HSD17B12: variants seen among roughly 807,000 people sequenced by gnomAD.
HSD17B12 encodes the protein very-long-chain 3-oxoacyl-CoA reductase.
A neutral mutation model predicts 39.3 loss-of-function variants in HSD17B12; 32 were observed. The ratio of observed to expected loss-of-function variants is 0.81; its 90% CI spans 0.61 to 1.09. HSD17B12 has a LOEUF of 1.09. Ranked by LOEUF, HSD17B12 falls within the 50% of genes least tolerant of loss-of-function variation. The probability of loss-of-function intolerance (pLI) is 0.00; values close to 1 mark genes in which losing one functional copy is unlikely to be tolerated. For missense variants in HSD17B12, 342 were observed against 382.9 expected (o/e 0.89, Z 0.89); for synonymous variants, 150 against 146.7 (o/e 1.02, Z -0.16).
At chr11:43,595,077 A>T in the HSD17B12 span, among the ~76,000 whole-genome samples, 1 of 152,192 alleles carries the variant, frequency 6.6e-6, no homozygotes, top group Non-Finnish European at 1.5e-5. Flanking sequence ...AATATTAACT[A>T]TAAATAAAGG....
chr11:43,718,001 C>T (rs374515770), intron 1 of HSD17B12, among the ~76,000 whole-genome samples: 5 of 151,938 alleles, frequency 3.3e-5, no homozygotes, highest in Admixed American at 2.0e-4. Context: ...GATGGAATTT[C>T]GCCATGTTGC....
chr11:43,592,281 G>T, the HSD17B12 span, among the ~76,000 whole-genome samples: 1 of 150,442 alleles, frequency 6.6e-6, no homozygotes, highest in African/African-American at 2.4e-5. Context: ...TTTGCTTTTT[G>T]GCAAAATTTT....
chr11:43,708,826 A>G (rs1326278970), intron 1 of HSD17B12, among the ~76,000 whole-genome samples: 1 of 152,240 alleles, frequency 6.6e-6, no homozygotes, highest in Non-Finnish European at 1.5e-5. Flanking sequence ...ATGGTTTTCA[A>G]GGATAACAGA....
intron 1 of HSD17B12, among the ~76,000 whole-genome samples, chr11:43,708,731 TC>T (rs767880116): frequency 2.0e-5 from 3 of 152,350 alleles, no homozygotes; most frequent in Admixed American, 6.5e-5. Flanking sequence ...TTCCTTGTTT[TC>T]CACCTCATCT....
chr11:43,662,058 G>A, the HSD17B12 span, among the ~76,000 whole-genome samples: 9 of 152,124 alleles, frequency 5.9e-5, no homozygotes, highest in African/African-American at 1.9e-4. Context: ...TTTTAGGCTC[G>A]GCATGGTGGT....
chr11:43,675,905 A>C (rs752993892), upstream of HSD17B12, among the ~76,000 whole-genome samples: 6 of 152,090 alleles, frequency 3.9e-5, no homozygotes, highest in Non-Finnish European at 8.8e-5. Flanking sequence ...TGAGGTAAGG[A>C]GTTTGAGACC....
chr11:43,731,489 A>G (rs1950266969), intron 1 of HSD17B12, among the ~76,000 whole-genome samples: 1 of 152,212 alleles, frequency 6.6e-6, no homozygotes, highest in African/African-American at 2.4e-5. Flanking sequence ...TTTCAAGGGC[A>G]CTTGTGTAGT....
intron 6 of HSD17B12, chr11:43,830,414 TG>T (rs1226145852): frequency 6.6e-6 from 1 of 152,252 alleles, no homozygotes; most frequent in Non-Finnish European, 1.5e-5. Context: ...CTTTTCATGT[TG>T]GTTACTAGAG....
intron 3 of HSD17B12, among the ~76,000 whole-genome samples, chr11:43,794,668 G>T (rs1950900627): frequency 6.6e-6 from 1 of 152,180 alleles, no homozygotes; most frequent in Non-Finnish European, 1.5e-5. Context: ...GCGTGATCTT[G>T]GACAAGGCAA....
At chr11:43,837,194 T>C (rs200721552) in intron 7 of HSD17B12, among the ~76,000 whole-genome samples, 7 of 152,192 alleles carry the variant, frequency 4.6e-5, no homozygotes, top group Non-Finnish European at 1.0e-4. Flanking sequence ...GATTTATGCC[T>C]AAAATAACTT....
At chr11:43,845,684 CG>C (rs1590346558) in intron 9 of HSD17B12, among the ~76,000 whole-genome samples, 1 of 152,140 alleles carries the variant, frequency 6.6e-6, no homozygotes, top group East Asian at 1.9e-4. Context: ...CAGGGCCTCA[CG>C]TGGGGAGACA....
intron 1 of HSD17B12, among the ~76,000 whole-genome samples, chr11:43,741,635 A>G (rs577897286): frequency 6.6e-6 from 1 of 152,176 alleles, no homozygotes; most frequent in South Asian, 2.1e-4. Flanking sequence ...TTGACTCCCC[A>G]GACAATATAG....
intron 1 of HSD17B12, among the ~76,000 whole-genome samples, chr11:43,684,118 G>T (rs541956373): frequency 6.6e-6 from 1 of 152,328 alleles, no homozygotes; most frequent in East Asian, 1.9e-4. Context: ...CAAGAGCTGG[G>T]CCATCTCTTT....
the HSD17B12 span, among the ~76,000 whole-genome samples, chr11:43,634,055 CA>C: frequency 1.9e-5 from 1 of 54,038 alleles, no homozygotes. Flanking sequence ...GCCTGGGCAA[CA>C]AGAGCAAAAA....
intron 4 of HSD17B12, 40 bp from the exon 5 acceptor site, chr11:43,815,397 A>G: frequency 9.0e-7 from 1 of 1,116,450 alleles, no homozygotes; most frequent in Non-Finnish European, 1.3e-6. Context: ...TCTTTAAAAT[A>G]TGCATATGTT....
chr11:43,619,272 T>C, the HSD17B12 span, among the ~76,000 whole-genome samples: 90 of 129,710 alleles, frequency 6.9e-4, no homozygotes, highest in African/African-American at 2.3e-3. Context: ...TATATATATA[T>C]GTAAAATCCA....
chr11:43,607,273 C>T, the HSD17B12 span, among the ~76,000 whole-genome samples: 2 of 125,188 alleles, frequency 1.6e-5, no homozygotes, highest in African/African-American at 3.0e-5. Flanking sequence ...GGCACGTGTG[C>T]TCCTGAGTGT....
At chr11:43,566,002 G>T in the HSD17B12 span, among the ~76,000 whole-genome samples, 1 of 148,254 alleles carries the variant, frequency 6.7e-6, no homozygotes, top group Non-Finnish European at 1.5e-5. Flanking sequence ...CTGTTCTGGA[G>T]AACCCAGCCA....
chr11:43,849,565 A>G (rs1470194712), intron 9 of HSD17B12, among the ~76,000 whole-genome samples: 1 of 152,146 alleles, frequency 6.6e-6, no homozygotes, highest in Non-Finnish European at 1.5e-5. Flanking sequence ...TCACCCAGAT[A>G]TTCTTTTGGC....
Sources: gnomAD v4.1 joint callset for allele counts (sites outside exome capture counted in the v4.1 genomes callset) on GRCh38, gnomAD v4.1.1 for gene constraint, MANE v1.5 for transcripts, NCBI Gene and HGNC (gene_info 2026-07-23, HGNC 2026-07-21) for gene names.